Variants in SLC25A21 observed in about 807,000 individuals in gnomAD.
SLC25A21 encodes the protein mitochondrial 2-oxodicarboxylate carrier.
A neutral mutation model predicts 43.8 loss-of-function variants in SLC25A21; 47 were observed. That is an observed-to-expected ratio of 1.07 (90% confidence interval 0.85 to 1.37). SLC25A21 has a LOEUF of 1.37. Among genes scored for constraint, SLC25A21 ranks in the 40% most tolerant of loss-of-function variants. The pLI, the probability that SLC25A21 is intolerant of heterozygous loss-of-function variation, is 0.00. For synonymous variants in SLC25A21, 131 were observed against 121.3 expected, an observed-to-expected ratio of 1.08 and a Z score of -0.52; for missense variants, 352 against 350.2, an observed-to-expected ratio of 1.00 and a Z score of -0.04.
intron 3 of SLC25A21, among the ~76,000 whole-genome samples, chr14:36,745,231 T>A (rs974106836): frequency 6.6e-6 from 1 of 152,206 alleles, no homozygotes; most frequent in Non-Finnish European, 1.5e-5. Context: ...ATTTTCTTTA[T>A]CCAGTCTATT....
intron 7 of SLC25A21, among the ~76,000 whole-genome samples, chr14:36,688,396 T>C (rs1300982565): frequency 6.6e-6 from 1 of 152,236 alleles, no homozygotes; most frequent in East Asian, 1.9e-4. Context: ...GAGCATGTGT[T>C]ACTCCTCTTT....
intron 1 of SLC25A21, among the ~76,000 whole-genome samples, chr14:36,882,904 C>A (rs375165858): frequency 6.6e-6 from 1 of 151,942 alleles, no homozygotes; most frequent in Non-Finnish European, 1.5e-5. Context: ...CAACTCTCTT[C>A]GAATCTATCT....
intron 1 of SLC25A21, among the ~76,000 whole-genome samples, chr14:36,886,628 TA>T (rs1890920933): frequency 6.6e-6 from 1 of 152,170 alleles, no homozygotes; most frequent in South Asian, 2.1e-4. Flanking sequence ...GGAGCATGTC[TA>T]AAGGAGGAAG....
intron 1 of SLC25A21, among the ~76,000 whole-genome samples, chr14:36,998,404 ATTC>A (rs150268965): frequency 0.026 from 3,974 of 152,246 alleles, 195 homozygotes; most frequent in African/African-American, 0.09. Flanking sequence ...TATAAATGTG[ATTC>A]TTCTTCTACC....
chr14:37,066,193 CA>C (rs1176649741), intron 1 of SLC25A21, among the ~76,000 whole-genome samples: 1 of 152,052 alleles, frequency 6.6e-6, no homozygotes, highest in African/African-American at 2.4e-5. Context: ...GTCTTCTTGC[CA>C]AAAATGTGTA....
In SLC25A21 at chr14:36,678,766, T is replaced by G. The variant is rs1430857987; in HGVS notation, c.*1892A>C. On this transcript the variant is annotated 3_prime_UTR_variant, in exon 10 of 10. Transcript: ENST00000331299. ...ATAATTTTTTTCTGGTTCTTGTATT[T>G]TAAAAAATCTAATATTAATGGTATT... The G allele has an allele frequency of 4.3e-5, 47 of 1,092,040 alleles. No homozygotes were observed. Among genetic ancestry groups the G allele is most frequent in the Non-Finnish European group, 4.9e-5 (44 of 890,700 alleles). The allele number at this position is 1,092,040 out of a possible 1,614,324, so 67.6% of individuals were successfully genotyped here. A position where few individuals can be genotyped will look rare whatever the true frequency, so the allele number is the denominator to read the frequency against.
chr14:36,714,996 G>A (rs1312833647), intron 6 of SLC25A21, among the ~76,000 whole-genome samples: 1 of 152,166 alleles, frequency 6.6e-6, no homozygotes, highest in Admixed American at 6.5e-5. Flanking sequence ...ACCAAAGATT[G>A]TTAGGCAACA....
intron 1 of SLC25A21, among the ~76,000 whole-genome samples, chr14:37,146,918 A>G (rs1963676203): frequency 6.6e-6 from 1 of 152,236 alleles, no homozygotes; most frequent in African/African-American, 2.4e-5. Context: ...TTTGCTAACA[A>G]CTTGTACATA....
At chr14:37,132,116 C>T (rs1160329042) in intron 1 of SLC25A21, among the ~76,000 whole-genome samples, 4 of 152,174 alleles carry the variant, frequency 2.6e-5, no homozygotes, top group Non-Finnish European at 4.4e-5. Flanking sequence ...AGAGAGCATA[C>T]GTGTGAGAAT....
intron 1 of SLC25A21, among the ~76,000 whole-genome samples, chr14:37,027,134 A>G (rs1417591808): frequency 6.6e-6 from 1 of 152,218 alleles, no homozygotes; most frequent in African/African-American, 2.4e-5. Flanking sequence ...TACAAACAAC[A>G]AAATACTGAT....
chr14:36,894,840 G>A (rs1229905148), intron 1 of SLC25A21, among the ~76,000 whole-genome samples: 17 of 152,042 alleles, frequency 1.1e-4, no homozygotes, highest in African/African-American at 3.1e-4. Flanking sequence ...GCTGGATTAC[G>A]TTTATTGATT....
intron 1 of SLC25A21, among the ~76,000 whole-genome samples, chr14:36,921,024 A>G (rs987449899): frequency 6.6e-6 from 1 of 152,210 alleles, no homozygotes; most frequent in Non-Finnish European, 1.5e-5. Context: ...TTCATGATTT[A>G]CAATCAATCA....
intron 1 of SLC25A21, among the ~76,000 whole-genome samples, chr14:36,884,907 G>A (rs1040854140): frequency 5.9e-5 from 9 of 152,082 alleles, no homozygotes; most frequent in South Asian, 4.2e-4. Flanking sequence ...TATTTTCTCC[G>A]AACCCATGGG....
At chr14:36,714,761 T>C (rs139329161) in intron 6 of SLC25A21, among the ~76,000 whole-genome samples, 87 of 152,372 alleles carry the variant, frequency 5.7e-4, no homozygotes, top group African/African-American at 2.0e-3. Flanking sequence ...ATATGTCTTA[T>C]CATGATCCCT....
intron 1 of SLC25A21, among the ~76,000 whole-genome samples, chr14:37,020,903 A>G (rs529591427): frequency 1.3e-4 from 19 of 151,994 alleles, no homozygotes; most frequent in Non-Finnish European, 2.5e-4. Context: ...TAATAAGTTT[A>G]TTTAACATGG....
chr14:37,092,579 G>C (rs75386319), intron 1 of SLC25A21, among the ~76,000 whole-genome samples: 3,975 of 152,188 alleles, frequency 0.026, 68 homozygotes, highest in Middle Eastern at 0.048. Context: ...CTATGACTCT[G>C]TCTGGGCTAA....
At chr14:37,128,744 G>A (rs770079340) in intron 1 of SLC25A21, among the ~76,000 whole-genome samples, 4 of 151,892 alleles carry the variant, frequency 2.6e-5, no homozygotes, top group Non-Finnish European at 4.4e-5. Context: ...GCACCATTAC[G>A]CTCAGCTAAT....
At chr14:37,161,077 T>C (rs1353913520) in intron 1 of SLC25A21, among the ~76,000 whole-genome samples, 1 of 152,004 alleles carries the variant, frequency 6.6e-6, no homozygotes, top group Non-Finnish European at 1.5e-5. Flanking sequence ...ACTTAAAATG[T>C]ATTATATTTG....
In SLC25A21 at chr14:36,879,702, C is replaced by T. The variant is rs150900531; in HGVS notation, c.71-4698G>A. 3.8e-4 allele frequency among the ~76,000 whole-genome samples: 58 copies of T among 152,176 alleles called. 1 individual carries two copies. In the East Asian group the frequency reaches 0.011, roughly 28 times the overall value. On this transcript the variant is annotated intron_variant, in intron 1 of 9. Transcript: ENST00000331299. Reference sequence around the variant, plus strand: ...CACCACCATGTCATAAACCCTTCTCCCAGACTTCATCTTTTCTGAGAAGAT... The same window carrying T: ...CACCACCATGTCATAAACCCTTCTCTCAGACTTCATCTTTTCTGAGAAGAT...
Sources: gnomAD v4.1 joint callset for allele counts (sites outside exome capture counted in the v4.1 genomes callset) on GRCh38, gnomAD v4.1.1 for gene constraint, MANE v1.5 for transcripts, NCBI Gene and HGNC (gene_info 2026-07-23, HGNC 2026-07-21) for gene names.